Variants in WDFY3 observed in about 807,000 individuals in gnomAD.
The protein encoded by WDFY3 is WD repeat and FYVE domain containing 3, also known as WD repeat and FYVE domain-containing protein 3.
In WDFY3, 66 loss-of-function variants were observed where a neutral mutation model predicts 409.6. The ratio of observed to expected loss-of-function variants is 0.16; its 90% CI spans 0.13 to 0.20. WDFY3 has a LOEUF of 0.20. Ranked by LOEUF, WDFY3 falls within the 10% of genes least tolerant of loss-of-function variation. The probability of loss-of-function intolerance (pLI) is 1.00; values close to 1 mark genes in which losing one functional copy is unlikely to be tolerated. For synonymous variants in WDFY3, 1,521 were observed against 1,537.1 expected, an observed-to-expected ratio of 0.99 and a Z score of 0.25; for missense variants, 3,031 against 4,298.1, an observed-to-expected ratio of 0.71 and a Z score of 8.24.
At chr4:84,835,735 A>G (rs1258202653) in intron 7 of WDFY3, among the ~76,000 whole-genome samples, 3 of 152,128 alleles carry the variant, frequency 2.0e-5, no homozygotes, top group African/African-American at 7.2e-5. Flanking sequence ...GCCTGCAACC[A>G]TTACTCTATA....
intron 32 of WDFY3, among the ~76,000 whole-genome samples, chr4:84,761,962 A>G (rs1434057841): frequency 6.6e-6 from 1 of 152,130 alleles, no homozygotes; most frequent in Non-Finnish European, 1.5e-5. Flanking sequence ...GTCAGGAAAC[A>G]ACAGGTGCTG....
At chr4:84,678,022 G>C (rs979527319) in intron 66 of WDFY3, 146 bp downstream of exon 66, 14 of 527,230 alleles carry the variant, frequency 2.7e-5, no homozygotes, top group African/African-American at 2.3e-4. Context: ...ACACTAACAG[G>C]GTTCTTCTTC....
chr4:84,868,619 C>T (rs1208795703), intron 3 of WDFY3, among the ~76,000 whole-genome samples: 2 of 151,936 alleles, frequency 1.3e-5, no homozygotes, highest in Non-Finnish European at 2.9e-5. Flanking sequence ...AATTTTTTTC[C>T]TACAGAAAAA....
intron 5 of WDFY3, chr4:84,844,481 C>T: frequency 7.8e-7 from 1 of 1,289,484 alleles, no homozygotes; most frequent in Non-Finnish European, 1.0e-6. Flanking sequence ...CTTTGAAATC[C>T]TTGGGGGACA....
chr4:84,812,629 A>G (rs1159465111), intron 13 of WDFY3, among the ~76,000 whole-genome samples: 1 of 152,192 alleles, frequency 6.6e-6, no homozygotes, highest in Non-Finnish European at 1.5e-5. Context: ...GACAAGTATT[A>G]TTTTATAGAT....
chr4:84,813,556 G>A (rs1752830465), intron 13 of WDFY3, among the ~76,000 whole-genome samples: 1 of 152,086 alleles, frequency 6.6e-6, no homozygotes, highest in Non-Finnish European at 1.5e-5. Context: ...CACATTAGTT[G>A]ACTGAATAGG....
chr4:84,898,136 C>T (rs1357531654), intron 2 of WDFY3, among the ~76,000 whole-genome samples: 2 of 152,180 alleles, frequency 1.3e-5, no homozygotes, highest in Non-Finnish European at 2.9e-5. Flanking sequence ...TCTAGTTCCT[C>T]AGTTGCAGAC....
At chr4:84,783,520 G>GT (rs1273360751) in intron 24 of WDFY3, among the ~76,000 whole-genome samples, 1 of 152,182 alleles carries the variant, frequency 6.6e-6, no homozygotes, top group East Asian at 1.9e-4. Context: ...CTCACAGGAG[G>GT]TAAGTTAAAC....
intron 15 of WDFY3, among the ~76,000 whole-genome samples, chr4:84,807,551 CAA>C (rs1197424173): frequency 6.6e-6 from 1 of 151,962 alleles, no homozygotes; most frequent in Non-Finnish European, 1.5e-5. Context: ...TTAAAAGCCT[CAA>C]TGAAAGAATA....
At chr4:84,823,732 C>A (rs1035063810) in intron 10 of WDFY3, among the ~76,000 whole-genome samples, 1 of 152,148 alleles carries the variant, frequency 6.6e-6, no homozygotes, top group Non-Finnish European at 1.5e-5. Context: ...GACATTATTA[C>A]ATACTTAGTA....
Position 84,709,191 on chromosome 4 carries a change from C to A in WDFY3, c.8097+102G>T, listed in dbSNP as rs904914904. ...AAAAAGAATGAAAATAAAACATTTT[C>A]TCTATGGTATATATTTTATGGATAA... On this transcript the variant is annotated intron_variant, in intron 52 of 67. Transcript: ENST00000295888. 1.7e-5 allele frequency: 24 copies of A among 1,401,766 alleles called. 1 individual carries two copies. The South Asian group carries it at 2.4e-4, about 14-fold the overall frequency. 86.8% of individuals were successfully genotyped at this position (1,401,766 alleles called of 1,614,324 possible). A position where few individuals can be genotyped will look rare whatever the true frequency, so the allele number is the denominator to read the frequency against.
intron 30 of WDFY3, among the ~76,000 whole-genome samples, chr4:84,769,407 T>TTTATTA (rs997944996): frequency 6.6e-6 from 1 of 152,008 alleles, no homozygotes; most frequent in African/African-American, 2.4e-5. Flanking sequence ...TTTTTTTGCT[T>TTTATTA]TTATTATTAT....
At chr4:84,899,163 C>T (rs894427898) in intron 2 of WDFY3, among the ~76,000 whole-genome samples, 8 of 152,158 alleles carry the variant, frequency 5.3e-5, no homozygotes, top group Non-Finnish European at 5.9e-5. Context: ...AAGGCAACCT[C>T]CTTGAAATGT....
rs181765232 is a variant in WDFY3 at position 84,733,317 on chromosome 4, A to G, written c.7221+65T>C. Reference sequence around the variant, plus strand: ...GAGGTAATTGACTAAATAGAGAAAAAACGCTTACAGAGGAAAATAAAAACT... The same window carrying G: ...GAGGTAATTGACTAAATAGAGAAAAGACGCTTACAGAGGAAAATAAAAACT... On this transcript the variant is annotated intron_variant, in intron 44 of 67. Transcript: ENST00000295888. The G allele has an allele frequency of 2.3e-5, 35 of 1,538,626 alleles. No homozygotes were observed. The African/African-American group carries it at 4.9e-4, about 21-fold the overall frequency.
chr4:84,824,501 C>CA (rs1033990069), intron 10 of WDFY3, among the ~76,000 whole-genome samples: 8 of 151,534 alleles, frequency 5.3e-5, no homozygotes, highest in Admixed American at 2.6e-4. Flanking sequence ...AATCCAGATA[C>CA]AAAAAAAACT....
chr4:84,886,625 A>G (rs1049006053), intron 3 of WDFY3: 2 of 152,206 alleles, frequency 1.3e-5, no homozygotes, highest in Admixed American at 6.5e-5. Context: ...CATGAAAAAT[A>G]TATGTATTTG....
intron 3 of WDFY3, among the ~76,000 whole-genome samples, chr4:84,883,301 TTTAATATATTAGGTA>T (rs1442218682): frequency 6.6e-6 from 1 of 152,190 alleles, no homozygotes; most frequent in African/African-American, 2.4e-5. Flanking sequence ...CAGTTAGCTT[TTTAATATATTAGGTA>T]AATCTATCTG....
chr4:84,703,668 C>A (rs1731446691), intron 55 of WDFY3, among the ~76,000 whole-genome samples: 1 of 152,306 alleles, frequency 6.6e-6, no homozygotes, highest in East Asian at 1.9e-4. Context: ...TCTGCAGAAG[C>A]AACACCCTTA....
intron 67 of WDFY3, among the ~76,000 whole-genome samples, chr4:84,675,249 C>T (rs556402814): frequency 9.2e-5 from 14 of 152,174 alleles, no homozygotes; most frequent in Admixed American, 5.9e-4. Context: ...AGCCACTGTG[C>T]CCGGTCCCAT....
Sources: gnomAD v4.1 joint callset for allele counts (sites outside exome capture counted in the v4.1 genomes callset) on GRCh38, gnomAD v4.1.1 for gene constraint, MANE v1.5 for transcripts, NCBI Gene and HGNC (gene_info 2026-07-23, HGNC 2026-07-21) for gene names.